ATP2B2: variants seen among roughly 807,000 people sequenced by gnomAD.
ATP2B2 encodes the protein plasma membrane calcium-transporting ATPase 2.
A neutral mutation model predicts 120.0 loss-of-function variants in ATP2B2; 15 were observed. The observed-to-expected ratio is 0.12, with a 90% confidence interval of 0.08 to 0.19. ATP2B2 has a LOEUF of 0.19. Among genes scored for constraint, ATP2B2 ranks in the 10% least tolerant of loss-of-function variants. The pLI is 1.00. For synonymous variants in ATP2B2, 694 were observed against 700.3 expected, an observed-to-expected ratio of 0.99 and a Z score of 0.14; for missense variants, 1,045 against 1,719.8, an observed-to-expected ratio of 0.61 and a Z score of 6.94.
intron 1 of ATP2B2, among the ~76,000 whole-genome samples, chr3:10,652,863 G>A (rs549126349): frequency 6.6e-6 from 1 of 152,306 alleles, no homozygotes; most frequent in African/African-American, 2.4e-5. Context: ...ATACTGTGTG[G>A]TTCCACTCAT....
chr3:10,477,092 G>A (rs1383534701), intron 1 of ATP2B2, among the ~76,000 whole-genome samples: 1 of 152,230 alleles, frequency 6.6e-6, no homozygotes. Flanking sequence ...CCTAATGTGT[G>A]GCTTCCTCCA....
chr3:10,677,570 C>T lies in ATP2B2; in HGVS notation c.-460+30345G>A, dbSNP rs574364126. On this transcript the variant is annotated intron_variant, in intron 1 of 21. Transcript: ENST00000646379. ...AATGGGCATGATGTGTCAATGTAGG[C>T]CCATCCATTGTAATACATATATCAC... Among the ~76,000 whole-genome samples the T allele has an allele frequency of 1.1e-4, 16 of 152,258 alleles. No homozygotes were observed. The South Asian group carries it at 3.1e-3, about 30-fold the overall frequency.
chr3:10,340,433 C>G lies in ATP2B2; in HGVS notation c.3129+60G>C, dbSNP rs1458397425. ...GAGGGCTGGGCTCTCAGGGTCCTGCCCAGGGGCTCCAGCCGCTTGCTGCCC... is the reference window on the plus strand; with the variant it reads ...GAGGGCTGGGCTCTCAGGGTCCTGCGCAGGGGCTCCAGCCGCTTGCTGCCC... On this transcript the variant is annotated intron_variant, in intron 20 of 22. Coordinates refer to ENST00000360273, the MANE Select transcript of ATP2B2 (RefSeq NM_001001331.4). This position sits in a 1 kb window ranked among gnomAD's most constrained non-coding sequence, Gnocchi z 5.0. The G allele has an allele frequency of 1.2e-6, 2 of 1,613,660 alleles. No homozygotes were observed. Among genetic ancestry groups the G allele is most frequent in the Admixed American group, 1.7e-5 (1 of 60,034 alleles).
At chr3:10,600,668 C>A (rs374964910) in intron 2 of ATP2B2, among the ~76,000 whole-genome samples, 1 of 152,234 alleles carries the variant, frequency 6.6e-6, no homozygotes, top group South Asian at 2.1e-4. Flanking sequence ...CTGCCGCCCC[C>A]TCCCTGCCCC....
intron 11 of ATP2B2, among the ~76,000 whole-genome samples, chr3:10,373,825 C>T (rs144693612): frequency 1.6e-4 from 25 of 152,276 alleles, no homozygotes; most frequent in African/African-American, 4.8e-4. Context: ...CCTCTTGCCT[C>T]GGCCTCTGAA....
At chr3:10,698,677 G>A (rs555451294) in intron 1 of ATP2B2, among the ~76,000 whole-genome samples, 1 of 152,302 alleles carries the variant, frequency 6.6e-6, no homozygotes, top group Admixed American at 6.5e-5. Flanking sequence ...GCAGGAGCTG[G>A]CTTCCCACAA....
intron 1 of ATP2B2, among the ~76,000 whole-genome samples, chr3:10,686,786 C>A (rs912158284): frequency 1.3e-5 from 2 of 152,156 alleles, no homozygotes; most frequent in African/African-American, 4.8e-5. Flanking sequence ...AGTTTCTCAC[C>A]AGTAAGCCCT....
rs367995697 is a variant in ATP2B2, at chr3:10,516,469, A to C, written c.-320+17570T>G. ...CTCTCTTGTTGCTGACCCCAAAGGC[A>C]CTTCCCAAACAGCCACTCCCTCTTA... On this transcript the variant is annotated intron_variant, in intron 3 of 21. Coordinates refer to the ATP2B2 transcript ENST00000646379. Among the ~76,000 whole-genome samples the C allele has an allele frequency of 4.6e-5, 7 of 152,226 alleles. No individual in the cohort carries two copies. In the East Asian group the frequency reaches 9.7e-4, roughly 21 times the overall value.
intron 2 of ATP2B2, among the ~76,000 whole-genome samples, chr3:10,567,309 C>G (rs1256385962): frequency 2.6e-5 from 4 of 152,252 alleles, no homozygotes; most frequent in Admixed American, 6.5e-5. Context: ...GCTCTATGAC[C>G]TCAGGGAATT....
chr3:10,348,536 C>G (rs2060490813), intron 16 of ATP2B2, among the ~76,000 whole-genome samples: 1 of 152,166 alleles, frequency 6.6e-6, no homozygotes, highest in South Asian at 2.1e-4. Flanking sequence ...CTGTAGCTTC[C>G]CTCTCCCACC....
In ATP2B2 at chr3:10,328,893, T is replaced by G. The variant is rs1574914934; in HGVS notation, c.3653A>C (p.Asn1218Thr). The change falls in exon 23 of 23, where the codon AAC becomes ACC. Residue 1218 changes from asparagine to threonine, a missense_variant. Around this residue, in one of 11 missense-constraint regions of ATP2B2, gnomAD observed 211 missense variants for 385.1 expected, o/e 0.55. Transcript: ENST00000360273. ...TGATTTGCTTGTGTCGGTCGTCAGG[T>G]TGATCCCACTGTCGATGGCGCTGTT... is the stretch of plus-strand genomic sequence containing the variant. ...KNNSAIDSGINLTTDTSKSAT... is the reference protein window; with the variant it reads ...KNNSAIDSGITLTTDTSKSAT... 6.2e-7 allele frequency: 1 copy of G among 1,613,882 alleles called. No homozygotes were observed. The highest frequency in any genetic ancestry group is 8.5e-7 in the Non-Finnish European group (1 of 1,179,968).
intron 2 of ATP2B2, among the ~76,000 whole-genome samples, chr3:10,579,808 T>C (rs562810360): frequency 1.7e-5 from 1 of 57,986 alleles, no homozygotes; most frequent in Non-Finnish European, 3.9e-5. Flanking sequence ...AGACTCCGTC[T>C]TGAAAACAAA....
chr3:10,670,494 T>G (rs1436223766), intron 1 of ATP2B2, among the ~76,000 whole-genome samples: 1 of 152,198 alleles, frequency 6.6e-6, no homozygotes, highest in Non-Finnish European at 1.5e-5. Flanking sequence ...CTTGGCTCAT[T>G]GCAGCCTCTG....
chr3:10,556,220 G>A (rs2067775264), intron 2 of ATP2B2, among the ~76,000 whole-genome samples: 1 of 152,150 alleles, frequency 6.6e-6, no homozygotes. Flanking sequence ...TTTATGACAG[G>A]CAGTGCTCAC....
chr3:10,651,744 AATGGATGG>A (rs36070242), intron 1 of ATP2B2, among the ~76,000 whole-genome samples: 119 of 150,688 alleles, frequency 7.9e-4, no homozygotes, highest in African/African-American at 2.8e-3. Flanking sequence ...TGCATGTATG[AATGGATGG>A]ATGGATGGAT....
chr3:10,493,876 T>C (rs931455500), intron 1 of ATP2B2, among the ~76,000 whole-genome samples: 7 of 151,990 alleles, frequency 4.6e-5, no homozygotes, highest in Non-Finnish European at 7.4e-5. Flanking sequence ...GGGTTGAAAG[T>C]CAGGCAAAGT....
rs1381890929 is a variant in ATP2B2 at position 10,485,013 on chromosome 3, G to A, written c.-320+20452C>T. Reference sequence around the variant, plus strand: ...CTGACAGGCCTTAAGCTGACCTGACGCAGACCCCCTCTGTGAAAGGGGCTG... The same window carrying A: ...CTGACAGGCCTTAAGCTGACCTGACACAGACCCCCTCTGTGAAAGGGGCTG... On this transcript the variant is annotated intron_variant, in intron 1 of 22. Transcript: ENST00000360273. 5.3e-5 allele frequency among the ~76,000 whole-genome samples: 8 copies of A among 152,160 alleles called. No individual in the cohort carries two copies. In the East Asian group the frequency reaches 9.6e-4, roughly 18 times the overall value.
At chr3:10,341,299 G>C (rs709642) in intron 19 of ATP2B2, among the ~76,000 whole-genome samples, 69,399 of 151,854 alleles carry the variant, frequency 0.46, 16,250 homozygotes, top group South Asian at 0.61. Flanking sequence ...ATGCAGTCCT[G>C]TATCCTTTTT....
intron 1 of ATP2B2, among the ~76,000 whole-genome samples, chr3:10,483,163 C>T (rs2065482635): frequency 6.6e-6 from 1 of 152,262 alleles, no homozygotes; most frequent in African/African-American, 2.4e-5. Context: ...GACAAAACTG[C>T]TGCCATTTCT....
Sources: allele counts gnomAD v4.1 joint callset (sites outside exome capture counted in the v4.1 genomes callset), GRCh38; gene constraint gnomAD v4.1.1; regional missense constraint gnomAD v4.1.1; non-coding constraint Gnocchi (gnomAD v3.1); transcripts MANE v1.5; gene names NCBI Gene and HGNC (gene_info 2026-07-23, HGNC 2026-07-21).